Variants in MAML3 observed in about 807,000 individuals in gnomAD.
The protein encoded by MAML3 is mastermind like transcriptional coactivator 3, also known as mastermind-like protein 3.
MAML3 carries 27 observed loss-of-function variants against 101.9 expected under a neutral mutation model. The ratio of observed to expected loss-of-function variants is 0.27; its 90% CI spans 0.20 to 0.37. The LOEUF (loss-of-function observed/expected upper bound fraction) is 0.37. MAML3 is among the 10% of genes least tolerant of loss of function. The probability of loss-of-function intolerance (pLI) is 1.00; values close to 1 mark genes in which losing one functional copy is unlikely to be tolerated. For synonymous variants in MAML3, 501 were observed against 555.9 expected (o/e 0.90, Z 1.39); for missense variants, 1,316 against 1,444.9 (o/e 0.91, Z 1.45).
intron 1 of MAML3, among the ~76,000 whole-genome samples, chr4:139,899,218 AC>A: frequency 6.6e-6 from 1 of 152,174 alleles, no homozygotes; most frequent in East Asian, 1.9e-4. Flanking sequence ...AAGTATGCAT[AC>A]ACATACAAAT....
intron 1 of MAML3, among the ~76,000 whole-genome samples, chr4:139,918,813 G>A (rs115043023): frequency 1.3e-5 from 2 of 152,138 alleles, no homozygotes; most frequent in Non-Finnish European, 2.9e-5. Flanking sequence ...CTGGAGCTGA[G>A]TGTGACCTCA....
intron 2 of MAML3, among the ~76,000 whole-genome samples, chr4:139,875,070 T>C (rs927066688): frequency 6.6e-6 from 1 of 152,200 alleles, no homozygotes; most frequent in Non-Finnish European, 1.5e-5. Flanking sequence ...CCCAAAGTGC[T>C]GGGATTACAG....
At chr4:140,124,555 C>A (rs1049745008) in intron 1 of MAML3, among the ~76,000 whole-genome samples, 2 of 152,100 alleles carry the variant, frequency 1.3e-5, no homozygotes. Context: ...CACAAGTTAC[C>A]CCCAAAAGCA....
intron 1 of MAML3, among the ~76,000 whole-genome samples, chr4:140,110,078 T>C (rs920584657): frequency 2.0e-5 from 3 of 152,238 alleles, no homozygotes; most frequent in Admixed American, 6.5e-5. Flanking sequence ...GAGCCGCCTG[T>C]GCGTGAACTG....
At chr4:139,873,520 AT>A (rs1270293902) in intron 2 of MAML3, among the ~76,000 whole-genome samples, 2 of 152,198 alleles carry the variant, frequency 1.3e-5, no homozygotes, top group Non-Finnish European at 2.9e-5. Flanking sequence ...GACTTAAATT[AT>A]TTTGCTTCTA....
At chr4:139,838,169 T>G (rs1430549692) in intron 2 of MAML3, among the ~76,000 whole-genome samples, 1 of 151,978 alleles carries the variant, frequency 6.6e-6, no homozygotes, top group Non-Finnish European at 1.5e-5. Flanking sequence ...GGAGGCCACC[T>G]TGTATGTGCT....
chr4:139,740,028 A>G (rs1042721839), intron 2 of MAML3, among the ~76,000 whole-genome samples: 3 of 152,102 alleles, frequency 2.0e-5, no homozygotes, highest in Admixed American at 6.6e-5. Flanking sequence ...AAACCTGTAC[A>G]TGGCTTCCAC....
At position 140,065,826 on chromosome 4, in the gene MAML3, C is replaced by T. The variant is rs10016358; in HGVS notation, c.468+87034G>A. ...TTCCTCTGCCCAGCCCACCTCACCA[C>T]CACGATTCCCAGCACCTCCATCAAA... On this transcript the variant is annotated intron_variant, in intron 1 of 4. Coordinates refer to ENST00000509479, the MANE Select transcript of MAML3 (RefSeq NM_018717.5). 8.7e-3 allele frequency among the ~76,000 whole-genome samples: 1,332 copies of T among 152,320 alleles called. 27 individuals are homozygous for T. Among genetic ancestry groups the T allele is most frequent in the African/African-American group, 0.029 (1,205 of 41,566 alleles).
intron 2 of MAML3, among the ~76,000 whole-genome samples, chr4:139,846,544 T>C (rs11100306): frequency 0.4 from 60,260 of 151,692 alleles, 12,601 homozygotes; most frequent in East Asian, 0.69. Context: ...GACGGGGTTC[T>C]GCCATATTGC....
chr4:140,050,511 C>T (rs556998615), intron 1 of MAML3, among the ~76,000 whole-genome samples: 63 of 152,210 alleles, frequency 4.1e-4, no homozygotes, highest in African/African-American at 1.4e-3. Context: ...ACCTACTGCT[C>T]GGGGTACAGC....
chr4:139,877,701 C>A (rs1732142419), intron 2 of MAML3, among the ~76,000 whole-genome samples: 1 of 152,164 alleles, frequency 6.6e-6, no homozygotes, highest in Non-Finnish European at 1.5e-5. Flanking sequence ...TAGCCATGAG[C>A]TTGCTTCACA....
At chr4:140,029,808 A>T (rs1726879449) in intron 1 of MAML3, among the ~76,000 whole-genome samples, 1 of 152,122 alleles carries the variant, frequency 6.6e-6, no homozygotes, top group African/African-American at 2.4e-5. Flanking sequence ...TTTGTTTTTT[A>T]AAATTCGTAC....
chr4:139,905,986 TAA>T (rs1256359453), intron 1 of MAML3, among the ~76,000 whole-genome samples: 4 of 152,224 alleles, frequency 2.6e-5, no homozygotes, highest in African/African-American at 9.6e-5. Flanking sequence ...CATGGCTGGT[TAA>T]GCAAACAGAC....
intron 2 of MAML3, among the ~76,000 whole-genome samples, chr4:139,798,034 GAGAAAGAAAGAAAGAAAGAAAGAA>G (rs60781175): frequency 0.054 from 6,723 of 124,556 alleles, 368 homozygotes; most frequent in African/African-American, 0.14. Context: ...AGGAGAGAGA[GAGAAAGAAAGAAAGAAAGAAAGAA>G]AGAAAGAAAG....
At chr4:139,750,975 C>G (rs1656124851) in intron 2 of MAML3, among the ~76,000 whole-genome samples, 1 of 152,152 alleles carries the variant, frequency 6.6e-6, no homozygotes, top group African/African-American at 2.4e-5. Flanking sequence ...ATTTGGAACA[C>G]CTGGCAAGCT....
intron 2 of MAML3, among the ~76,000 whole-genome samples, chr4:139,803,099 T>G (rs973895612): frequency 2.0e-5 from 3 of 152,170 alleles, no homozygotes; most frequent in Admixed American, 2.0e-4. Flanking sequence ...TCCATGAGGT[T>G]TTTGGACCAA....
intron 2 of MAML3, among the ~76,000 whole-genome samples, chr4:139,837,968 G>A (rs6849820): frequency 0.094 from 14,307 of 151,958 alleles, 1,497 homozygotes; most frequent in African/African-American, 0.26. Flanking sequence ...TATGGATAAT[G>A]AAAATCTTTT....
At chr4:140,142,097 A>G (rs1421934998) in intron 1 of MAML3, among the ~76,000 whole-genome samples, 1 of 152,246 alleles carries the variant, frequency 6.6e-6, no homozygotes. Context: ...AATGCTATAT[A>G]GCAGTTAAAA....
At chr4:139,894,511 A>AAAAGAAAGAAAGGAAGAAAGAAAGAAAG (rs1553962890) in intron 1 of MAML3, among the ~76,000 whole-genome samples, 2 of 136,474 alleles carry the variant, frequency 1.5e-5, no homozygotes, top group African/African-American at 5.6e-5. Flanking sequence ...TCCATCTTAA[A>AAAAGAAAGAAAGGAAGAAAGAAAGAAAG]AAAGAAAGAA....
Sources: allele counts gnomAD v4.1 joint callset (sites outside exome capture counted in the v4.1 genomes callset), GRCh38; gene constraint gnomAD v4.1.1; transcripts MANE v1.5; gene names NCBI Gene and HGNC (gene_info 2026-07-23, HGNC 2026-07-21).